The following PPP1R37 variants were observed in gnomAD, a reference collection of about 807,000 sequenced individuals.
PPP1R37 encodes the protein leucine rich repeat containing 68.
PPP1R37 carries 21 observed loss-of-function variants against 61.0 expected under a neutral mutation model. The observed-to-expected ratio is 0.34, with a 90% CI of 0.24 to 0.50. The LOEUF (loss-of-function observed/expected upper bound fraction) is 0.50, where lower values mean the gene tolerates loss of function less well. PPP1R37 is among the 20% of genes least tolerant of loss of function. The pLI is 0.98. For missense variants in PPP1R37, 910 were observed against 952.7 expected (o/e 0.96, Z 0.59); for synonymous variants, 443 against 433.5 (o/e 1.02, Z -0.27).
At chr19:45,114,032 C>T (rs11880318) in intron 1 of PPP1R37, among the ~76,000 whole-genome samples, 18,810 of 152,260 alleles carry the variant, frequency 0.12, 1,660 homozygotes, top group African/African-American at 0.25. Context: ...CAGGGGCTTC[C>T]GTTTGCCACG....
rs1172615801 is a variant in PPP1R37, at chr19:45,128,975, C to T, written c.203-9539C>T. On this transcript the variant is annotated intron_variant, in intron 1 of 12. Coordinates refer to ENST00000221462, the MANE Select transcript of PPP1R37 (RefSeq NM_019121.2). ...GCTGTGGAGAAGGGACCCTGATCAC[C>T]GTGCTGTCTGCCATGACAGAGGAGG... The T allele has an allele frequency of 1.4e-5, 11 of 811,734 alleles. No homozygotes were observed. In the East Asian group the frequency reaches 2.9e-4, roughly 21 times the overall value. The allele number at this position is 811,734 out of a possible 1,614,324, so 50.3% of individuals were successfully genotyped here.
intron 1 of PPP1R37, among the ~76,000 whole-genome samples, chr19:45,113,682 G>A (rs1434961827): frequency 1.3e-5 from 2 of 152,248 alleles, no homozygotes; most frequent in Admixed American, 6.5e-5. Flanking sequence ...TGAGGAGGCA[G>A]GGTCAGCCCT....
intron 7 of PPP1R37, 95 bp from the exon 8 acceptor site, chr19:45,143,426 A>T (rs1408280369): frequency 2.9e-6 from 2 of 686,512 alleles, no homozygotes; most frequent in Admixed American, 2.4e-5. Context: ...GCCTCCATGG[A>T]GGTCCTAAGC....
intron 1 of PPP1R37, among the ~76,000 whole-genome samples, chr19:45,131,645 T>C (rs1968478837): frequency 6.6e-6 from 1 of 152,212 alleles, no homozygotes; most frequent in African/African-American, 2.4e-5. Context: ...TCCAGCACTT[T>C]GGGAGGCTGA....
chr19:45,142,572 C>A, intron 7 of PPP1R37, 114 bp downstream of exon 7: 2 of 1,104,586 alleles, frequency 1.8e-6, no homozygotes, highest in African/African-American at 1.6e-5. Flanking sequence ...CAACGCTGTC[C>A]TGCTGGGGCT....
At chr19:45,136,997 GACTCCC>G (rs1568448985) in intron 1 of PPP1R37, 1 of 152,210 alleles carries the variant, frequency 6.6e-6, no homozygotes, top group Non-Finnish European at 1.5e-5. Flanking sequence ...CTCTCTCAGG[GACTCCC>G]ACTGCGTCCA....
chr19:45,142,555 A>T, intron 7 of PPP1R37, 97 bp downstream of exon 7: 1 of 1,262,262 alleles, frequency 7.9e-7, no homozygotes, highest in South Asian at 1.4e-5. Flanking sequence ...CATGGCCAAG[A>T]CCACCCCAAC....
intron 1 of PPP1R37, among the ~76,000 whole-genome samples, chr19:45,114,027 G>A (rs1968233791): frequency 6.6e-6 from 1 of 152,208 alleles, no homozygotes; most frequent in Admixed American, 6.5e-5. Flanking sequence ...AATAACAGGG[G>A]CTTCCGTTTG....
At chr19:45,143,409 C>T in intron 7 of PPP1R37, 112 bp from the exon 8 acceptor site, 1 of 634,390 alleles carries the variant, frequency 1.6e-6, no homozygotes, top group Non-Finnish European at 2.8e-6. Flanking sequence ...AGGCCTGGGA[C>T]TGCGGGGCCT....
At chr19:45,140,411 C>A in intron 3 of PPP1R37, 95 bp from the exon 4 acceptor site, 3 of 974,814 alleles carry the variant, frequency 3.1e-6, no homozygotes, top group Non-Finnish European at 4.4e-6. Context: ...AGGGGCTGGG[C>A]CTGGTGGGGG....
intron 2 of PPP1R37, among the ~76,000 whole-genome samples, chr19:45,139,341 C>T (rs1599710379): frequency 6.6e-6 from 1 of 152,286 alleles, no homozygotes; most frequent in South Asian, 2.1e-4. Flanking sequence ...TCCTCGGGAA[C>T]CCCCGTTGTT....
At chr19:45,110,395 C>T (rs1968185706) in intron 1 of PPP1R37, among the ~76,000 whole-genome samples, 1 of 152,074 alleles carries the variant, frequency 6.6e-6, no homozygotes, top group Non-Finnish European at 1.5e-5. Context: ...GGATTACAGC[C>T]ATGAGCCATT....
At chr19:45,128,611 C>A in intron 1 of PPP1R37, 1 of 1,265,048 alleles carries the variant, frequency 7.9e-7, no homozygotes, top group Non-Finnish European at 1.1e-6. Flanking sequence ...GCAGGGGCCT[C>A]GGCCTCCTTC....
At chr19:45,124,277 G>A (rs1324849790) in intron 1 of PPP1R37, among the ~76,000 whole-genome samples, 2 of 152,058 alleles carry the variant, frequency 1.3e-5, no homozygotes, top group African/African-American at 4.8e-5. Context: ...AGCATGTACC[G>A]TGTAATGTGT....
At chr19:45,117,074 G>A (rs570322053) in intron 1 of PPP1R37, among the ~76,000 whole-genome samples, 52 of 152,170 alleles carry the variant, frequency 3.4e-4, no homozygotes, top group African/African-American at 1.1e-3. Flanking sequence ...CACCACACCC[G>A]GCTAATTTTT....
intron 1 of PPP1R37, among the ~76,000 whole-genome samples, chr19:45,118,994 T>G (rs1305609326): frequency 6.6e-6 from 1 of 152,066 alleles, no homozygotes; most frequent in East Asian, 1.9e-4. Flanking sequence ...TTTGTTTTGT[T>G]TTTTGGTTTT....
intron 1 of PPP1R37, among the ~76,000 whole-genome samples, chr19:45,110,189 C>T (rs924191056): frequency 6.7e-6 from 1 of 149,810 alleles, no homozygotes; most frequent in African/African-American, 2.5e-5. Context: ...GGTCATGGCT[C>T]ACTGCAGTCT....
At position 45,145,744 on chromosome 19, in the gene PPP1R37, G is replaced by A; in HGVS notation, c.1688G>A (p.Gly563Asp). ...TEQRISVSSP[G>D]RGHKVFVVTR... ...CAGCGGATTTCCGTGTCCAGCCCGG[G>A]CCGGGGCCACAAGGTGTTTGTGGTG... is the stretch of plus-strand genomic sequence containing the variant. The change falls in exon 11 of 13, where the codon GGC (glycine) becomes GAC (aspartate). Residue 563 changes from glycine (G) to aspartate (D), a missense_variant. Coordinates refer to ENST00000221462, the MANE Select transcript of PPP1R37 (RefSeq NM_019121.2). 1.3e-6 allele frequency: 2 copies of A among 1,529,252 alleles called. No individual in the cohort carries two copies. Among genetic ancestry groups the A allele is most frequent in the South Asian group, 1.2e-5 (1 of 82,988 alleles). The allele number at this position is 1,529,252 out of a possible 1,614,324, so 94.7% of individuals were successfully genotyped here. A position where few individuals can be genotyped will look rare whatever the true frequency, so the allele number is the denominator to read the frequency against.
rs146306939 is a variant in PPP1R37 at position 45,133,114 on chromosome 19, G to T, written c.203-5400G>T. ...GTCCGTGAGAAGGAGTTTCACTCTT[G>T]TTGCCCAGGCTGGAGTGCAGTGGTG... is the stretch of plus-strand genomic sequence containing the variant. On this transcript the variant is annotated intron_variant, in intron 1 of 12. Transcript: ENST00000221462. 2.0e-3 allele frequency among the ~76,000 whole-genome samples: 308 copies of T among 152,240 alleles called. 1 individual carries two copies. Among genetic ancestry groups the T allele is most frequent in the African/African-American group, 6.9e-3 (286 of 41,538 alleles).
Sources: allele counts gnomAD v4.1 joint callset (sites outside exome capture counted in the v4.1 genomes callset), GRCh38; gene constraint gnomAD v4.1.1; transcripts MANE v1.5; gene names NCBI Gene and HGNC (gene_info 2026-07-23, HGNC 2026-07-21).